Variants in TYRO3 observed in about 807,000 individuals in gnomAD.
TYRO3 encodes TYRO3 protein tyrosine kinase.
A neutral mutation model predicts 95.2 loss-of-function variants in TYRO3; 38 were observed. The observed-to-expected ratio is 0.40, with a 90% CI of 0.31 to 0.52. The LOEUF is 0.52. TYRO3 is among the 20% of genes least tolerant of loss of function. The pLI is 0.56. For synonymous variants in TYRO3, 367 were observed against 432.9 expected (o/e 0.85, Z 1.89); for missense variants, 812 against 1,116.4 (o/e 0.73, Z 3.89).
chr15:41,561,402 G>A, intron 2 of TYRO3, 92 bp downstream of exon 2: 3 of 1,496,472 alleles, frequency 2.0e-6, no homozygotes, highest in Non-Finnish European at 2.7e-6. Context: ...CTCTCCTGAT[G>A]CCCAGAGGTC....
Position 41,561,169 on chromosome 15 carries a change from A to G in TYRO3, c.167A>G (p.Gln56Arg), listed in dbSNP as rs1595498400. ...GCCCCGGTGAAGCTGACAGTGTCTCAGGGGCAGCCGGTGAAGCTCAACTGC... is the reference window on the plus strand; with the variant it reads ...GCCCCGGTGAAGCTGACAGTGTCTCGGGGGCAGCCGGTGAAGCTCAACTGC... ...MGAPVKLTVS[Q>R]GQPVKLNCSV... Residue 56 changes from glutamine (Q) to arginine (R), a missense_variant, in exon 2 of 19, where the codon CAG becomes CGG. Physicochemically the swap from Gln to Arg is conservative, Grantham distance 43. Coordinates refer to ENST00000263798, the MANE Select transcript of TYRO3 (RefSeq NM_006293.4). 6.2e-7 allele frequency: 1 copy of G among 1,614,232 alleles called. No individual in the cohort carries two copies. The highest frequency in any genetic ancestry group is 8.5e-7 in the Non-Finnish European group (1 of 1,180,036).
rs968476186 is a variant in TYRO3, at chr15:41,559,305, G to C, written c.48G>C (p.Pro16=). Reference sequence around the variant, plus strand: ...GGCGGCCGGGGCTCCCGCCGCTGCCGCTGCCGCCGCCACCGCGGCTCGGGC... The same window carrying C: ...GGCGGCCGGGGCTCCCGCCGCTGCCCCTGCCGCCGCCACCGCGGCTCGGGC... ...SMGRPGLPPL[P]LPPPPRLGLL... is the part of the protein sequence containing the mutation. Residue 16 remains proline, a synonymous_variant, in exon 1 of 19, where the codon CCG becomes CCC. Transcript: ENST00000263798. 1 of 640,826 alleles carries C rather than the reference G, an allele frequency of 1.6e-6. No individual in the cohort carries two copies. The highest frequency in any genetic ancestry group is 2.2e-6 in the Non-Finnish European group (1 of 455,670). 39.7% of individuals were successfully genotyped at this position (640,826 alleles called of 1,614,324 possible). A position where few individuals can be genotyped will look rare whatever the true frequency, so the allele number is the denominator to read the frequency against.
At chr15:41,570,810 T>G in intron 12 of TYRO3, 111 bp downstream of exon 12, 2 of 1,091,132 alleles carry the variant, frequency 1.8e-6, no homozygotes, top group South Asian at 1.3e-5. Flanking sequence ...GTAAACAAGA[T>G]ATGCTTGTAG....
chr15:41,567,487 TG>T lies in TYRO3; in HGVS notation c.915del (p.Ser307LeufsTer14). 6.2e-7 allele frequency: 1 copy of T among 1,603,498 alleles called. No individual in the cohort carries two copies. The highest frequency in any genetic ancestry group is 1.1e-5 in the South Asian group (1 of 89,220). On this transcript the variant is annotated frameshift_variant, in exon 7 of 19. Transcript: ENST00000263798. LOFTEE classifies it high-confidence loss of function. ...YSLRVRCANA[L>X]GPSPYADWVP... ...CTCAGGGTGCGCTGTGCCAATGCCTTGGGGCCCTCTCCCTATGCTGACTGGG... is the reference window on the plus strand; with the variant it reads ...CTCAGGGTGCGCTGTGCCAATGCCTTGGGCCCTCTCCCTATGCTGACTGGG...
At chr15:41,577,805 A>C (rs1595507174) in intron 18 of TYRO3, 81 bp from the exon 19 acceptor site, 1 of 1,453,168 alleles carries the variant, frequency 6.9e-7, no homozygotes, top group East Asian at 2.3e-5. Context: ...AATTTTTTAA[A>C]ACCCTAGTGC....
chr15:41,575,843 GGTGGCTCACGCCCGT>G (rs1157495870), intron 18 of TYRO3, among the ~76,000 whole-genome samples: 1 of 152,114 alleles, frequency 6.6e-6, no homozygotes, highest in East Asian at 1.9e-4. Context: ...GGCAGGGGAC[GGTGGCTCACGCCCGT>G]AATCCCAGCG....
chr15:41,562,331 CAAAA>C (rs11363130), intron 3 of TYRO3: 1,259 of 173,620 alleles, frequency 7.3e-3, no homozygotes, highest in Middle Eastern at 0.017. Flanking sequence ...CGACCAATCT[CAAAA>C]AAAAAAAAAA....
chr15:41,569,048 A>T, intron 9 of TYRO3, 26 bp downstream of exon 9: 1 of 1,610,536 alleles, frequency 6.2e-7, no homozygotes, highest in East Asian at 2.2e-5. Context: ...GGAGAGGGGC[A>T]GAGGCTCAGG....
In TYRO3 at chr15:41,577,881, C is replaced by G. The variant is rs558535647; in HGVS notation, c.2283-5C>G. The G allele has an allele frequency of 2.5e-6, 3 of 1,186,092 alleles. No individual in the cohort carries two copies. The highest frequency in any genetic ancestry group is 1.6e-5 in the African/African-American group (1 of 62,774). 73.5% of individuals were successfully genotyped at this position (1,186,092 alleles called of 1,614,324 possible). On this transcript the variant is annotated splice_polypyrimidine_tract_variant and splice_region_variant and intron_variant, in intron 18 of 18. Coordinates refer to ENST00000263798, the MANE Select transcript of TYRO3 (RefSeq NM_006293.4). ...TGCCTTTTCTCACGCTTCTCTCCAC[C>G]CCAGGTATGATCTCATGTACCAGTG... is the stretch of plus-strand genomic sequence containing the variant.
intron 5 of TYRO3, 95 bp downstream of exon 5, chr15:41,564,365 T>C (rs572480863): frequency 4.0e-6 from 5 of 1,262,278 alleles, no homozygotes; most frequent in East Asian, 2.4e-5. Context: ...CCAGCTCCCC[T>C]TGTGGTCCTG....
chr15:41,576,586 C>T (rs2055862933), intron 18 of TYRO3, among the ~76,000 whole-genome samples: 1 of 151,430 alleles, frequency 6.6e-6, no homozygotes, highest in South Asian at 2.1e-4. Flanking sequence ...GCTTCGGCCT[C>T]CCAAAGTGCT....
chr15:41,562,742 G>A (rs763264966), intron 4 of TYRO3, 24 bp downstream of exon 4: 5 of 1,587,574 alleles, frequency 3.1e-6, no homozygotes, highest in Non-Finnish European at 3.4e-6. Context: ...GAAGGGGGCT[G>A]GGAGTGGAGA....
At chr15:41,575,033 T>G (rs1280482271) in intron 18 of TYRO3, among the ~76,000 whole-genome samples, 2 of 152,230 alleles carry the variant, frequency 1.3e-5, no homozygotes, top group Non-Finnish European at 2.9e-5. Flanking sequence ...GGACCTTTCA[T>G]GAGCCCCAGG....
intron 4 of TYRO3, 106 bp from the exon 5 acceptor site, chr15:41,564,078 G>C: frequency 9.6e-7 from 1 of 1,043,318 alleles, no homozygotes; most frequent in Non-Finnish European, 1.5e-6. Flanking sequence ...CCTTTGGCAG[G>C]AGGGATTTAA....
chr15:41,559,455 C>T (rs899710169), intron 1 of TYRO3, 74 bp downstream of exon 1: 24 of 213,046 alleles, frequency 1.1e-4, no homozygotes, highest in African/African-American at 5.0e-4. Flanking sequence ...GAGCCCGGGG[C>T]GGGCCTGGCG....
At position 41,572,517 on chromosome 15, in the gene TYRO3, G is replaced by A; in HGVS notation, c.1828G>A (p.Asp610Asn). The A allele has an allele frequency of 2.5e-6, 4 of 1,614,210 alleles. No homozygotes were observed. Among genetic ancestry groups the A allele is most frequent in the Non-Finnish European group, 3.4e-6 (4 of 1,180,054 alleles). The change falls in exon 15 of 19, where the codon GAC (aspartate) becomes AAC (asparagine). Residue 610 changes from aspartate (D) to asparagine (N), a missense_variant. Coordinates refer to ENST00000263798, the MANE Select transcript of TYRO3 (RefSeq NM_006293.4). ...MVILPFMKHG[D>N]LHAFLLASRI... ...CATCTTGCCCTTCATGAAGCATGGG[G>A]ACCTGCATGCCTTCCTGCTCGCCTC...
intron 11 of TYRO3, 117 bp downstream of exon 11, chr15:41,570,457 C>T (rs2055781267): frequency 1.6e-5 from 22 of 1,373,584 alleles, no homozygotes; most frequent in Non-Finnish European, 2.2e-5. Flanking sequence ...CCCAGGCACA[C>T]AAATCTGCCT....
At chr15:41,575,690 T>C (rs759084401) in intron 18 of TYRO3, among the ~76,000 whole-genome samples, 2 of 152,198 alleles carry the variant, frequency 1.3e-5, no homozygotes, top group Admixed American at 1.3e-4. Flanking sequence ...TTTGCATTCA[T>C]TGGACTTGGT....
intron 4 of TYRO3, 50 bp downstream of exon 4, chr15:41,562,768 G>A: frequency 6.4e-7 from 1 of 1,553,224 alleles, no homozygotes; most frequent in Non-Finnish European, 8.7e-7. Flanking sequence ...CTGGGTCCTG[G>A]AGGGCACTGA....
Sources: gnomAD v4.1 joint callset for allele counts (sites outside exome capture counted in the v4.1 genomes callset) on GRCh38, gnomAD v4.1.1 for gene constraint, MANE v1.5 for transcripts, NCBI Gene and HGNC (gene_info 2026-07-23, HGNC 2026-07-21) for gene names.